The following CDH19 variants were observed in gnomAD, a reference collection of about 807,000 sequenced individuals.
The protein encoded by CDH19 is cadherin 19.
Under a neutral mutation model 64.2 loss-of-function variants are expected in CDH19, and 67 were observed. The observed-to-expected ratio is 1.04, with a 90% CI of 0.86 to 1.28. The LOEUF (loss-of-function observed/expected upper bound fraction) is 1.28, where lower values mean the gene tolerates loss of function less well. CDH19 is among the 50% of genes most tolerant of loss of function. CDH19 has a pLI of 0.00. For synonymous variants in CDH19, 346 were observed against 319.3 expected (o/e 1.08, Z -0.89); for missense variants, 1,030 against 929.0 (o/e 1.11, Z -1.41).
At chr18:66,571,881 A>ATGC (rs1484986994) in intron 2 of CDH19, 129 bp downstream of exon 2, 4 of 594,174 alleles carry the variant, frequency 6.7e-6, no homozygotes, top group Admixed American at 6.1e-5. Context: ...ACAATTATTG[A>ATGC]TGCTGCTGTT....
intron 7 of CDH19, among the ~76,000 whole-genome samples, chr18:66,543,228 C>T (rs948365994): frequency 1.8e-4 from 28 of 151,962 alleles, no homozygotes; most frequent in Non-Finnish European, 3.4e-4. Context: ...CGGGGTTTCA[C>T]ATGTTAGCCA....
chr18:66,599,987 C>T (rs1988999240), intron 1 of CDH19, among the ~76,000 whole-genome samples: 5 of 151,546 alleles, frequency 3.3e-5, no homozygotes. Flanking sequence ...ATGAAACAGT[C>T]GTGAATATAG....
At position 66,513,469 on chromosome 18, in the gene CDH19, A is replaced by G. The variant is rs1190478939; in HGVS notation, c.1459-1784T>C. On this transcript the variant is annotated intron_variant, in intron 9 of 11. Transcript: ENST00000262150. Reference sequence around the variant, plus strand: ...AAAAATAGGAAGACACAGACATAAAATGAGTCATATATCAAGTATTATGAA... The same window carrying G: ...AAAAATAGGAAGACACAGACATAAAGTGAGTCATATATCAAGTATTATGAA... 1.3e-5 allele frequency among the ~76,000 whole-genome samples: 2 copies of G among 151,502 alleles called. 1 individual carries two copies. The highest frequency in any genetic ancestry group is 3.9e-4 in the East Asian group (2 of 5,186).
At chr18:66,509,309 T>C in intron 10 of CDH19, 63 bp from the exon 11 acceptor site, 1 of 1,405,270 alleles carries the variant, frequency 7.1e-7, no homozygotes, top group Non-Finnish European at 9.9e-7. Context: ...TATGTAATAG[T>C]CACATGTGCT....
intron 3 of CDH19, among the ~76,000 whole-genome samples, chr18:66,564,248 A>C (rs1480673745): frequency 6.6e-6 from 1 of 151,900 alleles, no homozygotes; most frequent in Non-Finnish European, 1.5e-5. Flanking sequence ...ATGCAACTTA[A>C]AATATTGCAT....
chr18:66,580,767 T>A (rs183255959), intron 1 of CDH19, among the ~76,000 whole-genome samples: 16 of 152,228 alleles, frequency 1.1e-4, no homozygotes, highest in African/African-American at 3.8e-4. Flanking sequence ...CACTCTTAGA[T>A]AAAACATTCA....
At chr18:66,565,831 C>T in intron 3 of CDH19, among the ~76,000 whole-genome samples, 1 of 151,908 alleles carries the variant, frequency 6.6e-6, no homozygotes, top group East Asian at 1.9e-4. Flanking sequence ...CTCTCCCTCT[C>T]ATGGAAAGGT....
intron 7 of CDH19, among the ~76,000 whole-genome samples, chr18:66,542,674 C>G (rs1190359749): frequency 6.6e-6 from 1 of 152,134 alleles, no homozygotes; most frequent in African/African-American, 2.4e-5. Context: ...CCATGAACAG[C>G]AGGCCATGAA....
intron 8 of CDH19, among the ~76,000 whole-genome samples, chr18:66,532,167 A>G (rs925978885): frequency 6.6e-6 from 1 of 152,080 alleles, no homozygotes; most frequent in Middle Eastern, 3.4e-3. Context: ...GGCTTTTGCC[A>G]TGTTGGCAAC....
intron 1 of CDH19, among the ~76,000 whole-genome samples, chr18:66,597,556 A>G (rs1988933533): frequency 6.6e-6 from 1 of 152,130 alleles, no homozygotes; most frequent in Admixed American, 6.5e-5. Flanking sequence ...AGATTCCATA[A>G]CAGACTCCAA....
chr18:66,591,619 G>A (rs571057839), intron 1 of CDH19, among the ~76,000 whole-genome samples: 1 of 151,944 alleles, frequency 6.6e-6, no homozygotes, highest in East Asian at 1.9e-4. Context: ...TTAGCAGAAG[G>A]TTAAAATTCT....
intron 8 of CDH19, among the ~76,000 whole-genome samples, chr18:66,533,599 AT>A (rs1441886299): frequency 1.1e-4 from 16 of 148,588 alleles, no homozygotes; most frequent in Admixed American, 4.1e-4. Context: ...CAAAATGTAT[AT>A]AAAACTTCAC....
rs967788191 is a variant in CDH19 at position 66,594,945 on chromosome 18, T to C, written c.-113+9009A>G. On this transcript the variant is annotated intron_variant, in intron 1 of 11. Transcript: ENST00000262150. ...GGGTGCAGCGCACCAGCATGGCACA[T>C]GTATACATATGTAACTAACCTGCAT... is the stretch of plus-strand genomic sequence containing the variant. 3.3e-5 allele frequency among the ~76,000 whole-genome samples: 5 copies of C among 151,532 alleles called. No homozygotes were observed. The South Asian group carries it at 6.3e-4, about 19-fold the overall frequency.
intron 1 of CDH19, among the ~76,000 whole-genome samples, chr18:66,585,270 T>C (rs910676109): frequency 6.6e-6 from 1 of 152,098 alleles, no homozygotes; most frequent in Non-Finnish European, 1.5e-5. Flanking sequence ...AAATAAATGT[T>C]ATTTTGCACC....
intron 1 of CDH19, among the ~76,000 whole-genome samples, chr18:66,585,901 A>C (rs547349085): frequency 3.6e-4 from 55 of 152,248 alleles, no homozygotes; most frequent in Middle Eastern, 3.4e-3. Flanking sequence ...ATATAAGCTG[A>C]AAATGAGCCC....
chr18:66,508,053 C>A (rs1260532927), intron 11 of CDH19, among the ~76,000 whole-genome samples: 1 of 151,786 alleles, frequency 6.6e-6, no homozygotes, highest in Non-Finnish European at 1.5e-5. Context: ...AGAACGAATG[C>A]TATTTAGCTT....
At position 66,551,353 on chromosome 18, in the gene CDH19, A is replaced by G. The variant is rs924814812; in HGVS notation, c.611-95T>C. ...CCATTGCAGTATACATTATTTTGCT[A>G]TATGTTGAACCACTGCAATGTGACA... On this transcript the variant is annotated intron_variant, in intron 4 of 11. Coordinates refer to ENST00000262150, the MANE Select transcript of CDH19 (RefSeq NM_021153.4). The G allele has an allele frequency of 6.1e-5, 45 of 733,364 alleles. No individual in the cohort carries two copies. In the Middle Eastern group the frequency reaches 8.3e-4, roughly 14 times the overall value. 45.4% of individuals were successfully genotyped at this position (733,364 alleles called of 1,614,324 possible). A position where few individuals can be genotyped will look rare whatever the true frequency, so the allele number is the denominator to read the frequency against.
chr18:66,572,373 A>C, intron 1 of CDH19, 57 bp from the exon 2 acceptor site: 1 of 473,142 alleles, frequency 2.1e-6, no homozygotes, highest in Non-Finnish European at 3.8e-6. Context: ...TTTCTCACAT[A>C]ATTACTAAAG....
intron 1 of CDH19, among the ~76,000 whole-genome samples, chr18:66,592,642 T>G (rs1294602091): frequency 6.6e-6 from 1 of 151,920 alleles, no homozygotes; most frequent in African/African-American, 2.4e-5. Context: ...GCAGTGTTTA[T>G]CTTTCTGTGC....
Sources: allele counts gnomAD v4.1 joint callset (sites outside exome capture counted in the v4.1 genomes callset), GRCh38; gene constraint gnomAD v4.1.1; transcripts MANE v1.5; gene names NCBI Gene and HGNC (gene_info 2026-07-23, HGNC 2026-07-21).